CSMD1: variants seen among roughly 807,000 people sequenced by gnomAD.
CSMD1 encodes CUB and Sushi multiple domains 1.
In CSMD1, 213 loss-of-function variants were observed where a neutral mutation model predicts 417.5. The observed-to-expected ratio is 0.51, with a 90% CI of 0.46 to 0.57. CSMD1 has a LOEUF of 0.57. CSMD1 is among the 20% of genes least tolerant of loss of function. The pLI is 0.00. For synonymous variants in CSMD1, 2,862 were observed against 1,736.8 expected (o/e 1.65, Z -16.11); for missense variants, 6,923 against 4,529.7 (o/e 1.53, Z -15.17).
intron 18 of CSMD1, among the ~76,000 whole-genome samples, chr8:3,380,827 G>A (rs1026652635): frequency 3.3e-5 from 5 of 151,878 alleles, no homozygotes; most frequent in African/African-American, 1.2e-4. Context: ...ACACCATGGC[G>A]TGTGTATACC....
At chr8:3,713,126 GA>G (rs997336432) in intron 6 of CSMD1, among the ~76,000 whole-genome samples, 2 of 152,066 alleles carry the variant, frequency 1.3e-5, no homozygotes, top group African/African-American at 4.8e-5. Flanking sequence ...AATTATGGGG[GA>G]AATATTTTTA....
At chr8:3,965,750 T>C (rs1812640564) in intron 5 of CSMD1, among the ~76,000 whole-genome samples, 1 of 152,116 alleles carries the variant, frequency 6.6e-6, no homozygotes, top group East Asian at 1.9e-4. Flanking sequence ...CCCGAGTAGC[T>C]GGGACTACAG....
At chr8:3,277,395 G>A (rs1220815473) in intron 26 of CSMD1, among the ~76,000 whole-genome samples, 3 of 152,208 alleles carry the variant, frequency 2.0e-5, no homozygotes, top group African/African-American at 7.2e-5. Context: ...AAGCCCGTGA[G>A]CAAGGCAGGG....
chr8:4,168,442 T>C (rs1434027725), intron 3 of CSMD1, among the ~76,000 whole-genome samples: 1 of 151,954 alleles, frequency 6.6e-6, no homozygotes, highest in Non-Finnish European at 1.5e-5. Flanking sequence ...TTTAGTAATA[T>C]TGCAATATAA....
chr8:3,540,025 G>C (rs901433050), intron 10 of CSMD1, among the ~76,000 whole-genome samples: 19 of 152,156 alleles, frequency 1.2e-4, no homozygotes, highest in African/African-American at 4.6e-4. Flanking sequence ...GGCTGCTTCT[G>C]TTGTGTCTGC....
intron 5 of CSMD1, among the ~76,000 whole-genome samples, chr8:3,831,606 A>AT (rs1459263258): frequency 6.6e-6 from 1 of 152,210 alleles, no homozygotes; most frequent in Non-Finnish European, 1.5e-5. Flanking sequence ...CTCTAATATT[A>AT]TAGCTTTTCA....
At chr8:3,320,097 A>T (rs748689825) in intron 23 of CSMD1, among the ~76,000 whole-genome samples, 6 of 152,174 alleles carry the variant, frequency 3.9e-5, no homozygotes, top group Non-Finnish European at 8.8e-5. Context: ...CACACAGAAG[A>T]CATGCTCTGT....
chr8:4,157,589 G>A (rs766757324), intron 3 of CSMD1, among the ~76,000 whole-genome samples: 4 of 152,140 alleles, frequency 2.6e-5, no homozygotes, highest in African/African-American at 7.2e-5. Context: ...CCCTCTGCCG[G>A]TCATGTAACA....
chr8:4,464,639 T>G (rs1400457344), intron 2 of CSMD1, among the ~76,000 whole-genome samples: 1 of 152,172 alleles, frequency 6.6e-6, no homozygotes, highest in East Asian at 1.9e-4. Context: ...AGTCCCAAGT[T>G]GAACCATGGT....
At chr8:4,085,708 A>G (rs1012454004) in intron 3 of CSMD1, among the ~76,000 whole-genome samples, 1 of 152,194 alleles carries the variant, frequency 6.6e-6, no homozygotes, top group African/African-American at 2.4e-5. Context: ...CAAATTGTTA[A>G]TAAAACATTC....
chr8:3,990,831 G>C (rs982595634), intron 5 of CSMD1, among the ~76,000 whole-genome samples: 5 of 152,094 alleles, frequency 3.3e-5, no homozygotes, highest in African/African-American at 1.2e-4. Context: ...TACGCTCCTG[G>C]TAGTGAATCA....
intron 1 of CSMD1, among the ~76,000 whole-genome samples, chr8:4,913,026 T>G (rs1177261666): frequency 6.6e-6 from 1 of 152,150 alleles, no homozygotes; most frequent in Non-Finnish European, 1.5e-5. Context: ...TGACCTCAAG[T>G]GATCCACCTG....
intron 2 of CSMD1, among the ~76,000 whole-genome samples, chr8:4,475,358 G>T (rs1800742873): frequency 6.6e-6 from 1 of 152,092 alleles, no homozygotes; most frequent in African/African-American, 2.4e-5. Context: ...TATTAATAAA[G>T]AGTTAATGTA....
intron 9 of CSMD1, among the ~76,000 whole-genome samples, chr8:3,584,598 A>C (rs1353088424): frequency 1.3e-5 from 2 of 152,216 alleles, no homozygotes; most frequent in Admixed American, 6.5e-5. Context: ...GATGAGAGTC[A>C]GGGCCAAGAA....
At chr8:4,734,854 T>G in intron 1 of CSMD1, among the ~76,000 whole-genome samples, 1 of 152,276 alleles carries the variant, frequency 6.6e-6, no homozygotes, top group Non-Finnish European at 1.5e-5. Context: ...CTCTCCTTGG[T>G]GAAGATTCCA....
chr8:3,874,854 A>G (rs1238793959), intron 5 of CSMD1, among the ~76,000 whole-genome samples: 9 of 152,116 alleles, frequency 5.9e-5, no homozygotes, highest in Admixed American at 2.6e-4. Flanking sequence ...TAAACCCATT[A>G]AGAAAACGGC....
At chr8:4,194,577 T>A (rs2131227336) in intron 3 of CSMD1, among the ~76,000 whole-genome samples, 1 of 152,282 alleles carries the variant, frequency 6.6e-6, no homozygotes, top group South Asian at 2.1e-4. Flanking sequence ...GTACGCCATT[T>A]TCTTTTGTTT....
intron 6 of CSMD1, among the ~76,000 whole-genome samples, chr8:3,732,897 T>C (rs1009625056): frequency 6.6e-6 from 1 of 152,074 alleles, no homozygotes; most frequent in African/African-American, 2.4e-5. Context: ...CCATCTATCA[T>C]CTATCTATCT....
chr8:4,021,928 C>A (rs892493956), intron 4 of CSMD1, among the ~76,000 whole-genome samples: 1 of 151,926 alleles, frequency 6.6e-6, no homozygotes, highest in Non-Finnish European at 1.5e-5. Context: ...AGCTGACTAG[C>A]TCTTTTGATC....
Sources: gnomAD v4.1 joint callset for allele counts (sites outside exome capture counted in the v4.1 genomes callset) on GRCh38, gnomAD v4.1.1 for gene constraint, MANE v1.5 for transcripts, NCBI Gene and HGNC (gene_info 2026-07-23, HGNC 2026-07-21) for gene names.